The following CTSL variants were observed in gnomAD, a reference collection of about 807,000 sequenced individuals.
The protein encoded by CTSL is cathepsin L.
In CTSL, 23 loss-of-function variants were observed where a neutral mutation model predicts 34.7. The ratio of observed to expected loss-of-function variants is 0.66; its 90% CI spans 0.48 to 0.94. The LOEUF (loss-of-function observed/expected upper bound fraction) is 0.94. Among genes scored for constraint, CTSL ranks in the 40% least tolerant of loss-of-function variants. The pLI, the probability that CTSL is intolerant of heterozygous loss-of-function variation, is 0.00. For synonymous variants in CTSL, 129 were observed against 136.7 expected (o/e 0.94, Z 0.39); for missense variants, 361 against 406.3 (o/e 0.89, Z 0.96).
At chr9:87,730,522 C>A in intron 7 of CTSL, 24 bp downstream of exon 7, 1 of 1,484,692 alleles carries the variant, frequency 6.7e-7, no homozygotes, top group Non-Finnish European at 9.3e-7. Context: ...GAAATACTTA[C>A]ATTTGAAATT....
intron 5 of CTSL, 150 bp from the exon 6 acceptor site, chr9:87,729,423 C>A: frequency 1.5e-6 from 1 of 646,872 alleles, no homozygotes; most frequent in Non-Finnish European, 2.6e-6. Flanking sequence ...TTCAGATTAA[C>A]TAATAGCATT....
chr9:87,728,370 G>A lies in CTSL; in HGVS notation c.370G>A (p.Gly124Ser). 6.2e-7 allele frequency: 1 copy of A among 1,614,098 alleles called. No homozygotes were observed. ...CAGATCTGTGGATTGGAGAGAGAAA[G>A]GCTACGTGACTCCTGTGAAGAATCA... ...APRSVDWREK[G>S]YVTPVKNQGQ... Residue 124 changes from glycine (G) to serine (S), a missense_variant, in exon 4 of 8, where the codon GGC becomes AGC. Coordinates refer to ENST00000343150, the MANE Select transcript of CTSL (RefSeq NM_001912.5).
intron 2 of CTSL, 47 bp downstream of exon 2, chr9:87,727,776 T>C: frequency 1.2e-6 from 2 of 1,610,638 alleles, no homozygotes; most frequent in Non-Finnish European, 1.7e-6. Context: ...GTTGAGAAGT[T>C]TTAGTCAGAG....
At chr9:87,729,129 C>G (rs1345652891) in intron 5 of CTSL, 17 of 540,444 alleles carry the variant, frequency 3.1e-5, no homozygotes, top group Non-Finnish European at 5.2e-5. Context: ...TGCAAATGCA[C>G]TCTCCAGTCT....
At chr9:87,728,496 T>C in intron 4 of CTSL, 89 bp from the exon 5 acceptor site, 1 of 1,567,016 alleles carries the variant, frequency 6.4e-7, no homozygotes, top group Non-Finnish European at 8.6e-7. Context: ...TACAGTTCAC[T>C]TTTTAACAGT....
In CTSL at chr9:87,728,570, T is replaced by A. The variant is rs766233108; in HGVS notation, c.397-15T>A. 1.1e-5 allele frequency: 18 copies of A among 1,599,352 alleles called. No individual in the cohort carries two copies. Among genetic ancestry groups the A allele is most frequent in the Middle Eastern group, 1.7e-4 (1 of 5,918 alleles). On this transcript the variant is annotated splice_polypyrimidine_tract_variant and intron_variant, in intron 4 of 7. Coordinates refer to ENST00000343150, the MANE Select transcript of CTSL (RefSeq NM_001912.5). ...TTTTTTTGTGGATGACAGCTTTTTT[T>A]AATTCCCTTTTCAGGGTCAGTGTGG... is the stretch of plus-strand genomic sequence containing the variant.
At chr9:87,730,316 C>A (rs1345980871) in intron 6 of CTSL, 65 bp from the exon 7 acceptor site, 2 of 1,011,956 alleles carry the variant, frequency 2.0e-6, no homozygotes, top group African/African-American at 1.6e-5. Flanking sequence ...CTGTGGGTGA[C>A]AGGATGGGTT....
Position 87,731,409 on chromosome 9 carries a change from T to C in CTSL, c.*302T>C, listed in dbSNP as rs762979133. On this transcript the variant is annotated 3_prime_UTR_variant, in exon 8 of 8. Transcript: ENST00000343150. Reference sequence around the variant, plus strand: ...TTCAAATGTAGTGGTGGGGCTTCTTTCTATTTTTGATGCACTGAATTTTTG... The same window carrying C: ...TTCAAATGTAGTGGTGGGGCTTCTTCCTATTTTTGATGCACTGAATTTTTG... 9.4e-6 allele frequency: 2 copies of C among 213,856 alleles called. No homozygotes were observed. Among genetic ancestry groups the C allele is most frequent in the Non-Finnish European group, 1.9e-5 (2 of 106,492 alleles). 13.2% of individuals were successfully genotyped at this position (213,856 alleles called of 1,614,324 possible).
At chr9:87,728,218 C>G in intron 3 of CTSL, 32 bp from the exon 4 acceptor site, 5 of 1,614,094 alleles carry the variant, frequency 3.1e-6, no homozygotes, top group Non-Finnish European at 4.2e-6. Flanking sequence ...TAATCTCTTG[C>G]TTTTCAACAT....
intron 1 of CTSL, 31 bp from the exon 2 acceptor site, chr9:87,727,563 A>G (rs550815148): frequency 2.4e-5 from 39 of 1,611,658 alleles, no homozygotes; most frequent in Non-Finnish European, 3.1e-5. Flanking sequence ...GGATTGGTCT[A>G]ATCAGATCCT....
intron 1 of CTSL, among the ~76,000 whole-genome samples, chr9:87,727,235 TG>T (rs762613575): frequency 2.6e-5 from 4 of 152,128 alleles, no homozygotes; most frequent in Non-Finnish European, 5.9e-5. Flanking sequence ...CTGGATTTTT[TG>T]CGATTGGTAC....
At position 87,728,723 on chromosome 9, in the gene CTSL, A is replaced by C; in HGVS notation, c.535A>C (p.Asn179His). The C allele has an allele frequency of 6.2e-7, 1 of 1,614,216 alleles. No homozygotes were observed. Among genetic ancestry groups the C allele is most frequent in the Non-Finnish European group, 8.5e-7 (1 of 1,180,044 alleles). The change falls in exon 5 of 8, where the codon AAT (asparagine) becomes CAT (histidine). Residue 179 changes from asparagine (N) to histidine (H), a missense_variant. Physicochemically the swap from Asn to His is moderately conservative, Grantham distance 68. Transcript: ENST00000343150. ...CSGPQGNEGCNGGLMDYAFQY... is the reference protein window; with the variant it reads ...CSGPQGNEGCHGGLMDYAFQY... ...TGGGCCTCAAGGCAATGAAGGCTGC[A>C]ATGGTGGCCTAATGGATTATGCTTT...
Position 87,727,653 on chromosome 9 carries a change from C to G in CTSL, c.50C>G (p.Ala17Gly), listed in dbSNP as rs1194600287. Residue 17 changes from alanine (A) to glycine (G), a missense_variant, in exon 2 of 8, where the codon GCT becomes GGT. Physicochemically the swap from Ala to Gly is moderately conservative, Grantham distance 60. Transcript: ENST00000343150. ...GCCTTTTGCCTGGGAATTGCCTCAG[C>G]TACTCTAACATTTGATCACAGTTTA... is the stretch of plus-strand genomic sequence containing the variant. ...LAAFCLGIAS[A>G]TLTFDHSLEA... 1.2e-6 allele frequency: 2 copies of G among 1,613,940 alleles called. No homozygotes were observed. The highest frequency in any genetic ancestry group is 1.3e-5 in the African/African-American group (1 of 74,886).
Position 87,728,122 on chromosome 9 carries a change from A to C in CTSL, c.222A>C (p.Thr74=). The change falls in exon 3 of 8, where the codon ACA becomes ACC. Residue 74 remains threonine, a synonymous_variant. Transcript: ENST00000343150. ...QEYREGKHSF[T]MAMNAFGDMT... Reference sequence around the variant, plus strand: ...ACAGGGAAGGGAAACACAGCTTCACAATGGCCATGAACGCCTTTGGAGACA... The same window carrying C: ...ACAGGGAAGGGAAACACAGCTTCACCATGGCCATGAACGCCTTTGGAGACA... The C allele has an allele frequency of 6.2e-7, 1 of 1,614,192 alleles. No homozygotes were observed. Among genetic ancestry groups the C allele is most frequent in the Non-Finnish European group, 8.5e-7 (1 of 1,180,030 alleles).
Position 87,726,204 on chromosome 9 carries a change from G to C in CTSL, c.-205G>C, listed in dbSNP as rs1825983660. On this transcript the variant is annotated 5_prime_UTR_variant, in exon 1 of 8. Coordinates refer to ENST00000343150, the MANE Select transcript of CTSL (RefSeq NM_001912.5). ...CGCAGCAGGAAAGCGCCGCCGGCCA[G>C]GCCCAGCTGTGGCCGGACAGGGACT... 6.6e-6 allele frequency: 1 copy of C among 152,492 alleles called. No individual in the cohort carries two copies. The highest frequency in any genetic ancestry group is 6.5e-5 in the Admixed American group (1 of 15,290). 9.4% of individuals were successfully genotyped at this position (152,492 alleles called of 1,614,324 possible).
chr9:87,728,899 A>T, intron 5 of CTSL, 90 bp downstream of exon 5: 1 of 1,574,418 alleles, frequency 6.4e-7, no homozygotes, highest in South Asian at 1.2e-5. Flanking sequence ...GAATTCATAT[A>T]TTAGGGCTGG....
At position 87,731,385 on chromosome 9, in the gene CTSL, T is replaced by C. The variant is rs1002182287; in HGVS notation, c.*278T>C. On this transcript the variant is annotated 3_prime_UTR_variant, in exon 8 of 8. Coordinates refer to ENST00000343150, the MANE Select transcript of CTSL (RefSeq NM_001912.5). ...TTACCTGTTTAAATAAAATTTAATT[T>C]CAAATGTAGTGGTGGGGCTTCTTTC... 8.2e-6 allele frequency: 2 copies of C among 244,462 alleles called. No homozygotes were observed. Among genetic ancestry groups the C allele is most frequent in the Admixed American group, 1.1e-4 (2 of 18,994 alleles). The allele number at this position is 244,462 out of a possible 1,614,324, so 15.1% of individuals were successfully genotyped here.
intron 2 of CTSL, 134 bp from the exon 3 acceptor site, chr9:87,727,893 G>T: frequency 1.4e-6 from 2 of 1,434,032 alleles, no homozygotes; most frequent in East Asian, 2.3e-5. Context: ...TCAGTTTGGA[G>T]AACAGCATCC....
rs753980463 is a variant in CTSL at position 87,728,043 on chromosome 9, G to A, written c.143G>A (p.Arg48Lys). The stretch of plus-strand genomic sequence containing the variant: ...TGCCTCTAGAATGAAGAAGGATGGA[G>A]GAGAGCAGTGTGGGAGAAGAACATG... ...RLYGMNEEGW[R>K]RAVWEKNMKM... The change falls in exon 3 of 8, where the codon AGG (arginine) becomes AAG (lysine). Residue 48 changes from arginine (R) to lysine (K), a missense_variant. Arg to Lys is a conservative substitution (Grantham distance 26). Coordinates refer to ENST00000343150, the MANE Select transcript of CTSL (RefSeq NM_001912.5). 8 of 1,613,804 alleles carry A rather than the reference G, an allele frequency of 5.0e-6. No individual in the cohort carries two copies. Among genetic ancestry groups the A allele is most frequent in the Admixed American group, 1.7e-5 (1 of 60,014 alleles).
Sources: gnomAD v4.1 joint callset for allele counts (sites outside exome capture counted in the v4.1 genomes callset) on GRCh38, gnomAD v4.1.1 for gene constraint, MANE v1.5 for transcripts, NCBI Gene and HGNC (gene_info 2026-07-23, HGNC 2026-07-21) for gene names.